Variants in CDH12 observed in about 807,000 individuals in gnomAD.
The protein encoded by CDH12 is cadherin 12, also known as cadherin-12.
In CDH12, 41 loss-of-function variants were observed where a neutral mutation model predicts 74.1. The ratio of observed to expected loss-of-function variants is 0.55; its 90% CI spans 0.43 to 0.72. The LOEUF (loss-of-function observed/expected upper bound fraction) is 0.72, where lower values mean the gene tolerates loss of function less well. Among genes scored for constraint, CDH12 ranks in the 30% least tolerant of loss-of-function variants. CDH12 has a pLI of 0.00. For missense variants in CDH12, 945 were observed against 977.2 expected (o/e 0.97, Z 0.44); for synonymous variants, 399 against 355.0 (o/e 1.12, Z -1.39).
intron 4 of CDH12, among the ~76,000 whole-genome samples, chr5:22,113,223 G>A (rs978933293): frequency 6.6e-6 from 1 of 152,082 alleles, no homozygotes; most frequent in African/African-American, 2.4e-5. Context: ...GCCATATCTT[G>A]AAATCGCCCT....
At position 22,220,703 on chromosome 5, in the gene CDH12, A is replaced by G. The variant is rs999560903; in HGVS notation, c.-332-8060T>C. 4.0e-5 allele frequency among the ~76,000 whole-genome samples: 6 copies of G among 151,730 alleles called. No individual in the cohort carries two copies. The East Asian group carries it at 1.2e-3, about 29-fold the overall frequency. On this transcript the variant is annotated intron_variant, in intron 3 of 14. Coordinates refer to ENST00000382254, the MANE Select transcript of CDH12 (RefSeq NM_004061.5). ...AGAGGAGGATAAAATTTAGATAGCT[A>G]CATAAAATTGAGGTTTAAATATTGT...
chr5:21,863,587 T>C (rs2150010431), intron 6 of CDH12, among the ~76,000 whole-genome samples: 1 of 152,228 alleles, frequency 6.6e-6, no homozygotes, highest in South Asian at 2.1e-4. Flanking sequence ...AAGACAGAAA[T>C]ACAATACACA....
intron 6 of CDH12, among the ~76,000 whole-genome samples, chr5:21,934,002 C>G (rs1754962166): frequency 6.6e-6 from 1 of 152,172 alleles, no homozygotes; most frequent in East Asian, 1.9e-4. Context: ...AAAAGGATTG[C>G]TTGAAAACAG....
At chr5:21,963,869 C>A (rs866166567) in intron 6 of CDH12, among the ~76,000 whole-genome samples, 10 of 152,218 alleles carry the variant, frequency 6.6e-5, no homozygotes, top group Middle Eastern at 3.4e-3. Context: ...CATATTACTG[C>A]ACAGTAATTC....
intron 3 of CDH12, among the ~76,000 whole-genome samples, chr5:22,215,441 T>A (rs1465001923): frequency 6.6e-6 from 1 of 151,990 alleles, no homozygotes; most frequent in Non-Finnish European, 1.5e-5. Context: ...AGAAAAAAAA[T>A]TCACAAAAAA....
intron 3 of CDH12, among the ~76,000 whole-genome samples, chr5:22,241,815 A>T (rs1393851249): frequency 1.3e-5 from 2 of 152,030 alleles, no homozygotes; most frequent in Non-Finnish European, 2.9e-5. Flanking sequence ...TATTTTATTT[A>T]AATTATAATA....
At chr5:22,838,213 G>A (rs554651554) in intron 1 of CDH12, among the ~76,000 whole-genome samples, 43 of 152,194 alleles carry the variant, frequency 2.8e-4, no homozygotes, top group South Asian at 2.1e-4. Context: ...CTGTAGACCC[G>A]TAGAAGTAGT....
At chr5:22,484,780 A>G (rs1481225044) in intron 2 of CDH12, among the ~76,000 whole-genome samples, 1 of 152,350 alleles carries the variant, frequency 6.6e-6, no homozygotes, top group Admixed American at 6.5e-5. Context: ...GCAATTGCTT[A>G]TATTGCACAA....
Position 21,817,143 on chromosome 5 carries a change from A to G in CDH12, c.815-11T>C. 3 of 1,587,028 alleles carry G rather than the reference A, an allele frequency of 1.9e-6. No homozygotes were observed. The highest frequency in any genetic ancestry group is 2.6e-6 in the Non-Finnish European group (3 of 1,165,450). On this transcript the variant is annotated splice_polypyrimidine_tract_variant and intron_variant, in intron 8 of 14. Coordinates refer to ENST00000382254, the MANE Select transcript of CDH12 (RefSeq NM_004061.5). ...TCAAGTGGAAGATGCCTGATAAGAC[A>G]TATAAAATTTGAATTGACAGTGGGG...
At chr5:22,289,357 T>TA (rs1431165612) in intron 3 of CDH12, among the ~76,000 whole-genome samples, 1 of 152,140 alleles carries the variant, frequency 6.6e-6, no homozygotes, top group Non-Finnish European at 1.5e-5. Flanking sequence ...GGCAACTGAA[T>TA]AAAATTAATG....
intron 1 of CDH12, among the ~76,000 whole-genome samples, chr5:22,706,266 T>C (rs1042520467): frequency 6.6e-6 from 1 of 152,066 alleles, no homozygotes; most frequent in South Asian, 2.1e-4. Flanking sequence ...AATGCTTCTG[T>C]TTATAACTTA....
At chr5:22,784,220 T>G (rs1747518991) in intron 1 of CDH12, among the ~76,000 whole-genome samples, 1 of 152,144 alleles carries the variant, frequency 6.6e-6, no homozygotes, top group South Asian at 2.1e-4. Context: ...TCCTTTTTCA[T>G]CTTCCTGTAC....
At chr5:22,297,780 C>A (rs1396539129) in intron 3 of CDH12, among the ~76,000 whole-genome samples, 2 of 152,004 alleles carry the variant, frequency 1.3e-5, no homozygotes, top group South Asian at 2.1e-4. Context: ...TCATTTAATA[C>A]CTGTGCAATT....
At chr5:22,003,816 C>T (rs2921483) in intron 5 of CDH12, among the ~76,000 whole-genome samples, 16 of 83,834 alleles carry the variant, frequency 1.9e-4, no homozygotes, top group South Asian at 8.8e-4. Context: ...AGCAGGCCCC[C>T]GCTTCCACAA....
intron 5 of CDH12, among the ~76,000 whole-genome samples, chr5:21,988,675 A>C (rs1320328410): frequency 6.6e-6 from 1 of 152,082 alleles, no homozygotes; most frequent in African/African-American, 2.4e-5. Flanking sequence ...CGGTGGGAAA[A>C]GCACGTAAGA....
chr5:21,973,011 C>T (rs1756916665), intron 6 of CDH12, among the ~76,000 whole-genome samples: 1 of 149,138 alleles, frequency 6.7e-6, no homozygotes. Context: ...TGAGAACAGC[C>T]TGGGCAACAT....
intron 3 of CDH12, among the ~76,000 whole-genome samples, chr5:22,244,787 A>AGAAG (rs1328358495): frequency 7.7e-6 from 1 of 129,890 alleles, no homozygotes; most frequent in African/African-American, 2.8e-5. Flanking sequence ...AAAGAAAGAA[A>AGAAG]GAAAGAAAGA....
chr5:22,607,422 A>G (rs1367029073), intron 1 of CDH12, among the ~76,000 whole-genome samples: 1 of 152,192 alleles, frequency 6.6e-6, no homozygotes, highest in East Asian at 1.9e-4. Context: ...CCTCAGAATC[A>G]TGGCAAGAGG....
intron 2 of CDH12, among the ~76,000 whole-genome samples, chr5:22,446,955 C>G (rs1314717613): frequency 6.6e-6 from 1 of 152,092 alleles, no homozygotes; most frequent in African/African-American, 2.4e-5. Flanking sequence ...TACATATTCT[C>G]TTCTCCCCAA....
Sources: allele counts gnomAD v4.1 joint callset (sites outside exome capture counted in the v4.1 genomes callset), GRCh38; gene constraint gnomAD v4.1.1; transcripts MANE v1.5; gene names NCBI Gene and HGNC (gene_info 2026-07-23, HGNC 2026-07-21).